CADM2: variants seen among roughly 807,000 people sequenced by gnomAD.
CADM2 encodes the protein cell adhesion molecule 2.
Under a neutral mutation model 49.8 loss-of-function variants are expected in CADM2, and 12 were observed. The observed-to-expected ratio is 0.24, with a 90% CI of 0.15 to 0.39. The LOEUF (loss-of-function observed/expected upper bound fraction) is 0.39, where lower values mean the gene tolerates loss of function less well. CADM2 is among the 10% of genes least tolerant of loss of function. The pLI is 1.00. For synonymous variants in CADM2, 214 were observed against 175.4 expected (o/e 1.22, Z -1.74); for missense variants, 378 against 492.3 (o/e 0.77, Z 2.20).
intron 2 of CADM2, among the ~76,000 whole-genome samples, chr3:85,747,655 C>A (rs1021787371): frequency 6.6e-6 from 1 of 151,940 alleles, no homozygotes; most frequent in Non-Finnish European, 1.5e-5. Context: ...GGTATGACAG[C>A]AGAAATACAG....
intron 1 of CADM2, among the ~76,000 whole-genome samples, chr3:85,363,509 A>C (rs1407254898): frequency 6.6e-6 from 1 of 152,248 alleles, no homozygotes; most frequent in Non-Finnish European, 1.5e-5. Flanking sequence ...GTCATTTAAA[A>C]AAAAAAGGTT....
Position 86,072,519 on chromosome 3 carries a change from A to C in CADM2, c.*5736A>C, listed in dbSNP as rs1703343383. 1 of 152,046 alleles carries C rather than the reference A, an allele frequency of 6.6e-6. No homozygotes were observed. The highest frequency in any genetic ancestry group is 1.5e-5 in the Non-Finnish European group (1 of 67,962). The allele number at this position is 152,046 out of a possible 1,614,324, so 9.4% of individuals were successfully genotyped here. ...TGCAGGGGCAAAACAAAAACCTACC[A>C]GGGCTCAGCACTTAAGCACTTTTCC... On this transcript the variant is annotated 3_prime_UTR_variant, in exon 10 of 10. Coordinates refer to ENST00000383699, the MANE Select transcript of CADM2 (RefSeq NM_001167675.2).
intron 1 of CADM2, among the ~76,000 whole-genome samples, chr3:85,132,626 TTA>T (rs553131352): frequency 4.2e-4 from 61 of 146,772 alleles, no homozygotes; most frequent in African/African-American, 6.7e-4. Flanking sequence ...CAAGGATATA[TTA>T]TATATATATA....
chr3:85,494,275 T>C (rs1282326310), intron 1 of CADM2, among the ~76,000 whole-genome samples: 1 of 152,176 alleles, frequency 6.6e-6, no homozygotes, highest in Non-Finnish European at 1.5e-5. Flanking sequence ...TCTATAAAGT[T>C]TCATATTTTA....
chr3:85,077,804 G>A (rs2171140), intron 1 of CADM2, among the ~76,000 whole-genome samples: 82,336 of 151,828 alleles, frequency 0.54, 23,110 homozygotes, highest in Non-Finnish European at 0.6. Flanking sequence ...AATAAAAACA[G>A]ATTATTATCT....
intron 1 of CADM2, among the ~76,000 whole-genome samples, chr3:85,254,473 C>A (rs1176829079): frequency 6.6e-6 from 1 of 152,016 alleles, no homozygotes; most frequent in East Asian, 1.9e-4. Flanking sequence ...AAAGTTTCAA[C>A]CCTGTAATCC....
chr3:85,230,316 T>G (rs1006603153), intron 1 of CADM2, among the ~76,000 whole-genome samples: 1 of 152,218 alleles, frequency 6.6e-6, no homozygotes, highest in Admixed American at 6.5e-5. Context: ...ATACAAAATG[T>G]ATTATATAGC....
At chr3:85,525,324 A>C (rs1360460968) in intron 1 of CADM2, among the ~76,000 whole-genome samples, 1 of 152,152 alleles carries the variant, frequency 6.6e-6, no homozygotes, top group African/African-American at 2.4e-5. Context: ...TAAACCAATC[A>C]TGCTAGGTTA....
chr3:85,568,429 T>TC (rs1559915741), intron 1 of CADM2, among the ~76,000 whole-genome samples: 80 of 23,618 alleles, frequency 3.4e-3, no homozygotes, highest in African/African-American at 9.1e-3. Context: ...CTTTCTTTCT[T>TC]TCTTTCTTTC....
intron 1 of CADM2, among the ~76,000 whole-genome samples, chr3:85,433,373 G>A (rs749816324): frequency 1.3e-5 from 2 of 152,154 alleles, no homozygotes; most frequent in South Asian, 4.1e-4. Flanking sequence ...GTATGCATGT[G>A]TGTGTTCCTG....
At chr3:85,094,321 C>T (rs1016126177) in intron 1 of CADM2, among the ~76,000 whole-genome samples, 2 of 151,984 alleles carry the variant, frequency 1.3e-5, no homozygotes, top group African/African-American at 4.8e-5. Flanking sequence ...GGGTTAAGGC[C>T]TGTATTCAGC....
At chr3:85,225,106 A>T (rs575841108) in intron 1 of CADM2, among the ~76,000 whole-genome samples, 2 of 152,138 alleles carry the variant, frequency 1.3e-5, no homozygotes, top group East Asian at 3.9e-4. Context: ...TTCCATATGA[A>T]CTTTAAAGTA....
chr3:85,555,910 CCT>C (rs1260616468), intron 1 of CADM2, among the ~76,000 whole-genome samples: 6 of 152,004 alleles, frequency 3.9e-5, no homozygotes, highest in African/African-American at 2.4e-5. Context: ...TTAACTAAAA[CCT>C]AGAGTGAGTC....
chr3:85,889,640 C>T (rs1373169456), intron 5 of CADM2, among the ~76,000 whole-genome samples: 2 of 152,100 alleles, frequency 1.3e-5, no homozygotes, highest in African/African-American at 2.4e-5. Flanking sequence ...TGCAAGAATT[C>T]TGTATAAAAT....
intron 8 of CADM2, among the ~76,000 whole-genome samples, chr3:85,971,719 T>C (rs1726164595): frequency 6.6e-6 from 1 of 151,564 alleles, no homozygotes; most frequent in African/African-American, 2.4e-5. Flanking sequence ...TTCAAAAGCA[T>C]TTTTTTCATA....
chr3:85,367,254 CA>C (rs1273777994), intron 1 of CADM2, among the ~76,000 whole-genome samples: 18 of 151,960 alleles, frequency 1.2e-4, no homozygotes, highest in African/African-American at 4.3e-4. Context: ...AACCAACACA[CA>C]AGTAAAATGT....
intron 2 of CADM2, among the ~76,000 whole-genome samples, chr3:85,769,995 C>A (rs867041663): frequency 1.3e-5 from 2 of 150,002 alleles, no homozygotes; most frequent in Non-Finnish European, 2.9e-5. Flanking sequence ...ATTCAAAAAA[C>A]AAACAAAAAA....
At chr3:85,456,825 GT>G (rs1188465360) in intron 1 of CADM2, among the ~76,000 whole-genome samples, 73 of 139,548 alleles carry the variant, frequency 5.2e-4, no homozygotes, top group African/African-American at 1.9e-3. Flanking sequence ...ACAACTATGT[GT>G]TTTTTTCTTT....
intron 1 of CADM2, among the ~76,000 whole-genome samples, chr3:85,061,616 C>A (rs1162817314): frequency 6.6e-6 from 1 of 152,024 alleles, no homozygotes; most frequent in Non-Finnish European, 1.5e-5. Flanking sequence ...AGTTGACAGT[C>A]ATGGAAAGTC....
Sources: allele counts gnomAD v4.1 joint callset (sites outside exome capture counted in the v4.1 genomes callset), GRCh38; gene constraint gnomAD v4.1.1; transcripts MANE v1.5; gene names NCBI Gene and HGNC (gene_info 2026-07-23, HGNC 2026-07-21).